NCK1: variants seen among roughly 807,000 people sequenced by gnomAD.
The protein encoded by NCK1 is NCK adaptor protein 1, also known as SH2/SH3 adapter protein NCK1.
Under a neutral mutation model 36.6 loss-of-function variants are expected in NCK1, and 19 were observed. The ratio of observed to expected loss-of-function variants is 0.52; its 90% CI spans 0.36 to 0.76. The LOEUF is 0.76. Among genes scored for constraint, NCK1 ranks in the 30% least tolerant of loss-of-function variants. The probability of loss-of-function intolerance (pLI) is 0.00; values close to 1 mark genes in which losing one functional copy is unlikely to be tolerated. For synonymous variants in NCK1, 165 were observed against 156.0 expected (o/e 1.06, Z -0.43); for missense variants, 358 against 445.6 (o/e 0.80, Z 1.77).
chr3:136,909,013 C>A (rs1232994068), intron 1 of NCK1, among the ~76,000 whole-genome samples: 1 of 152,128 alleles, frequency 6.6e-6, no homozygotes, highest in Non-Finnish European at 1.5e-5. Flanking sequence ...ACTCTTCCCC[C>A]ACTCACCCCC....
chr3:136,934,353 T>C (rs1560052192), intron 2 of NCK1, among the ~76,000 whole-genome samples: 1 of 151,788 alleles, frequency 6.6e-6, no homozygotes. Context: ...TGGTGTGATC[T>C]CGGCTCACTG....
Position 136,944,111 on chromosome 3 carries a change from CCTTT to C in NCK1, c.227-1471_227-1468del, listed in dbSNP as rs1409979425. The stretch of plus-strand genomic sequence containing the variant: ...AAAGTCGAGGGAAAAGGAAAAACAA[CCTTT>C]TTTTTTTTTTTTTTTTTTTTTTGAG... On this transcript the variant is annotated intron_variant, in intron 2 of 3. Coordinates refer to ENST00000481752, the MANE Select transcript of NCK1 (RefSeq NM_001291999.2). Among the ~76,000 whole-genome samples the C allele has an allele frequency of 5.2e-3, 418 of 80,888 alleles. 21 individuals are homozygous for C. Among genetic ancestry groups the C allele is most frequent in the Middle Eastern group, 8.8e-3 (1 of 114 alleles). 53.1% of individuals were successfully genotyped at this position (80,888 alleles called of 152,430 possible).
intron 1 of NCK1, among the ~76,000 whole-genome samples, chr3:136,893,147 A>AGT (rs142883729): frequency 0.16 from 6,700 of 40,734 alleles, 1,324 homozygotes; most frequent in African/African-American, 0.32. Context: ...AATATTCCAT[A>AGT]GTGTGTGTGT....
chr3:136,943,354 G>A (rs1940726013), intron 2 of NCK1, among the ~76,000 whole-genome samples: 1 of 152,168 alleles, frequency 6.6e-6, no homozygotes, highest in Admixed American at 6.5e-5. Context: ...TTGATTTAGG[G>A]GTATAGACTG....
At chr3:136,921,179 A>C (rs1253828399) in intron 1 of NCK1, among the ~76,000 whole-genome samples, 1 of 152,176 alleles carries the variant, frequency 6.6e-6, no homozygotes, top group Non-Finnish European at 1.5e-5. Context: ...CATCTTGCAA[A>C]ACTTAAACTC....
intron 1 of NCK1, among the ~76,000 whole-genome samples, chr3:136,913,637 A>G (rs765520867): frequency 4.7e-4 from 71 of 151,860 alleles, no homozygotes; most frequent in Non-Finnish European, 2.4e-4. Flanking sequence ...CTGGACATGC[A>G]CAGTGATTTT....
intron 1 of NCK1, among the ~76,000 whole-genome samples, chr3:136,923,125 G>A (rs1015657045): frequency 1.2e-4 from 18 of 152,008 alleles, no homozygotes; most frequent in South Asian, 4.2e-4. Context: ...GTGTGTGCGC[G>A]CCTGTGTGCA....
chr3:136,920,387 T>A (rs1407894409), intron 1 of NCK1, among the ~76,000 whole-genome samples: 3 of 152,194 alleles, frequency 2.0e-5, no homozygotes, highest in Non-Finnish European at 1.5e-5. Flanking sequence ...ATAGCACAAT[T>A]CATTCACTTA....
At chr3:136,939,119 G>T (rs1291249435) in intron 2 of NCK1, among the ~76,000 whole-genome samples, 1 of 152,096 alleles carries the variant, frequency 6.6e-6, no homozygotes, top group African/African-American at 2.4e-5. Flanking sequence ...GCACATTTTT[G>T]ATGCGAGATG....
intron 1 of NCK1, among the ~76,000 whole-genome samples, chr3:136,918,536 TG>T (rs976040609): frequency 2.6e-5 from 4 of 152,150 alleles, no homozygotes; most frequent in Non-Finnish European, 5.9e-5. Flanking sequence ...ATTTTGGTAT[TG>T]GGGAGGAGGA....
intron 1 of NCK1, chr3:136,900,185 T>C: frequency 3.7e-6 from 1 of 266,668 alleles, no homozygotes; most frequent in South Asian, 4.6e-5. Flanking sequence ...TCACTCTTCA[T>C]TGTTTCCTTT....
chr3:136,866,862 G>A (rs1421043169), intron 1 of NCK1, among the ~76,000 whole-genome samples: 6 of 149,656 alleles, frequency 4.0e-5, no homozygotes, highest in South Asian at 4.3e-4. Context: ...ATCCACATGC[G>A]TCGGCTTCCC....
chr3:136,937,430 T>C (rs1019659415), intron 2 of NCK1, among the ~76,000 whole-genome samples: 2 of 152,234 alleles, frequency 1.3e-5, no homozygotes, highest in African/African-American at 4.8e-5. Flanking sequence ...TTTTCAAGAT[T>C]GTTTTGGTTG....
intron 1 of NCK1, among the ~76,000 whole-genome samples, chr3:136,883,522 CTG>C (rs1938999639): frequency 6.6e-6 from 1 of 152,132 alleles, no homozygotes; most frequent in Non-Finnish European, 1.5e-5. Context: ...TATGGTAGCA[CTG>C]TGTTAATCTT....
chr3:136,941,477 G>T (rs1351769554), intron 2 of NCK1, among the ~76,000 whole-genome samples: 1 of 151,824 alleles, frequency 6.6e-6, no homozygotes. Context: ...TTCTCTTTCT[G>T]TATTTTTGTT....
intron 1 of NCK1, among the ~76,000 whole-genome samples, chr3:136,869,921 A>G (rs1002955570): frequency 1.3e-5 from 2 of 152,108 alleles, no homozygotes; most frequent in Non-Finnish European, 2.9e-5. Flanking sequence ...GCTGAATTGG[A>G]CATGAATATG....
chr3:136,938,758 G>C (rs1185669589), intron 2 of NCK1, among the ~76,000 whole-genome samples: 1 of 152,162 alleles, frequency 6.6e-6, no homozygotes, highest in East Asian at 1.9e-4. Flanking sequence ...ATAAAACAGG[G>C]TTGTGTAGTG....
At chr3:136,884,120 A>T (rs1030362843) in intron 1 of NCK1, among the ~76,000 whole-genome samples, 2 of 152,198 alleles carry the variant, frequency 1.3e-5, no homozygotes, top group Non-Finnish European at 2.9e-5. Flanking sequence ...ATAATGAACG[A>T]GCTATCTAGA....
intron 1 of NCK1, among the ~76,000 whole-genome samples, chr3:136,867,816 G>A (rs1938494270): frequency 6.6e-6 from 1 of 152,064 alleles, no homozygotes; most frequent in Admixed American, 6.5e-5. Flanking sequence ...CTCATCTCTT[G>A]TAATTTTGCC....
Sources: allele counts gnomAD v4.1 joint callset (sites outside exome capture counted in the v4.1 genomes callset), GRCh38; gene constraint gnomAD v4.1.1; transcripts MANE v1.5; gene names NCBI Gene and HGNC (gene_info 2026-07-23, HGNC 2026-07-21).